The following CFAP99 variants were observed in gnomAD, a reference collection of about 807,000 sequenced individuals.
CFAP99 encodes the protein cilia- and flagella-associated protein 99.
Under a neutral mutation model 82.7 loss-of-function variants are expected in CFAP99, and 84 were observed. That is an observed-to-expected ratio of 1.02 (90% confidence interval 0.85 to 1.22). The LOEUF (loss-of-function observed/expected upper bound fraction) is 1.22. Among genes scored for constraint, CFAP99 ranks in the 50% most tolerant of loss-of-function variants. The pLI is 0.00. For synonymous variants in CFAP99, 456 were observed against 429.5 expected (o/e 1.06, Z -0.76); for missense variants, 1,059 against 983.5 (o/e 1.08, Z -1.03).
At chr4:2,438,502 T>C (rs879270631) in intron 4 of CFAP99, among the ~76,000 whole-genome samples, 12 of 152,128 alleles carry the variant, frequency 7.9e-5, no homozygotes, top group Admixed American at 1.3e-4. Flanking sequence ...GACCTCGTGA[T>C]CCGCCCGCCT....
chr4:2,461,390 C>A (rs539435547), intron 14 of CFAP99, among the ~76,000 whole-genome samples: 1 of 152,186 alleles, frequency 6.6e-6, no homozygotes, highest in Admixed American at 6.5e-5. Context: ...GAAGGAAGGA[C>A]TAATCATTGC....
exon 12 of CFAP99, chr4:2,458,812 G>A: frequency 2.0e-6 from 3 of 1,535,950 alleles, no homozygotes; most frequent in Non-Finnish European, 2.6e-6. Context: ...TAGAGGGGCA[G>A]AAGAACGCCA....
chr4:2,450,892 G>T (rs1219901265), intron 8 of CFAP99, 55 bp from the exon 9 acceptor site: 3 of 1,447,772 alleles, frequency 2.1e-6, no homozygotes, highest in East Asian at 4.9e-5. Flanking sequence ...TATGTGTTTG[G>T]GGGCACCCAG....
At chr4:2,422,723 C>G (rs1733609633) in intron 1 of CFAP99, among the ~76,000 whole-genome samples, 1 of 152,186 alleles carries the variant, frequency 6.6e-6, no homozygotes, top group South Asian at 2.1e-4. Flanking sequence ...CAAGGGGACC[C>G]CATCCCAGGG....
At chr4:2,420,279 C>G (rs1313474973) in intron 1 of CFAP99, among the ~76,000 whole-genome samples, 3 of 152,042 alleles carry the variant, frequency 2.0e-5, no homozygotes, top group Non-Finnish European at 4.4e-5. Flanking sequence ...ACCATTTTCT[C>G]CCAAACTTCT....
chr4:2,458,380 C>T (rs1734485460), intron 11 of CFAP99, among the ~76,000 whole-genome samples: 1 of 152,198 alleles, frequency 6.6e-6, no homozygotes, highest in African/African-American at 2.4e-5. Context: ...GGGCCCCCTA[C>T]CCTGGTTCCC....
chr4:2,425,313 C>CT (rs1250704375), intron 1 of CFAP99, among the ~76,000 whole-genome samples: 1 of 152,206 alleles, frequency 6.6e-6, no homozygotes, highest in East Asian at 1.9e-4. Context: ...CCCCTTCTCT[C>CT]TGAGTCTTGG....
chr4:2,458,628 C>T, intron 11 of CFAP99, 95 bp from the exon 12 acceptor site: 6 of 1,434,776 alleles, frequency 4.2e-6, no homozygotes, highest in Non-Finnish European at 5.5e-6. Context: ...ACTGGGTCCA[C>T]CTTCAGACCT....
exon 3 of CFAP99, chr4:2,436,882 C>T: frequency 5.9e-6 from 9 of 1,535,954 alleles, no homozygotes; most frequent in South Asian, 1.2e-5. Context: ...AGGCTCTGAG[C>T]CCCCAGAAGC....
exon 7 of CFAP99, chr4:2,449,696 C>A (rs761881452): frequency 6.5e-7 from 1 of 1,536,150 alleles, no homozygotes; most frequent in Non-Finnish European, 8.7e-7. Context: ...ACCAGCCACC[C>A]AAGGAGCAGC....
intron 6 of CFAP99, 51 bp from the exon 7 acceptor site, chr4:2,449,619 C>T (rs1734252147): frequency 6.7e-7 from 1 of 1,501,680 alleles, no homozygotes; most frequent in Non-Finnish European, 9.0e-7. Context: ...TCTAGGCCCC[C>T]TCCCACTCGC....
rs146709088 is a variant in CFAP99, at chr4:2,421,683, A to G, written c.-18+2590A>G. On this transcript the variant is annotated intron_variant, in intron 1 of 14. Coordinates refer to ENST00000635017, the Ensembl canonical transcript of CFAP99. ...CCACCTTTAAAGTTGCCTTAAATAT[A>G]AGATAGTCAAGTCCTGATCAATGGA... Among the ~76,000 whole-genome samples the G allele has an allele frequency of 2.7e-3, 407 of 152,248 alleles. 4 individuals are homozygous for G. The highest frequency in any genetic ancestry group is 9.4e-3 in the African/African-American group (391 of 41,538).
intron 2 of CFAP99, among the ~76,000 whole-genome samples, chr4:2,430,898 C>T (rs1316420501): frequency 6.6e-6 from 1 of 151,624 alleles, no homozygotes; most frequent in Non-Finnish European, 1.5e-5. Flanking sequence ...CACAGTGAGA[C>T]CTTTTCTCTA....
At chr4:2,445,333 C>T in intron 6 of CFAP99, 25 bp downstream of exon 6, 1 of 1,315,494 alleles carries the variant, frequency 7.6e-7, no homozygotes, top group Non-Finnish European at 9.7e-7. Context: ...TCTCAGCAGG[C>T]ACTGGCTTGC....
rs1168668390 is a variant in CFAP99, at chr4:2,427,331, G to A, written c.111+745G>A. 2.6e-5 allele frequency: 4 copies of A among 152,820 alleles called. No homozygotes were observed. The East Asian group carries it at 7.7e-4, about 29-fold the overall frequency. 9.5% of individuals were successfully genotyped at this position (152,820 alleles called of 1,614,324 possible). A position where few individuals can be genotyped will look rare whatever the true frequency, so the allele number is the denominator to read the frequency against. ...ATCTCACATCCACCACCTGTCAGTG[G>A]CATGTGCCTGGGGAACAGGAGCTTG... On this transcript the variant is annotated intron_variant, in intron 2 of 14. Coordinates refer to ENST00000635017, the Ensembl canonical transcript of CFAP99.
In CFAP99 at chr4:2,449,931, C is replaced by T; in HGVS notation, c.724-3C>T. ...GACTGGAGCCGCTGTGTCACTGTGG[C>T]AGGAGCTGCTGCTGAGGGCAAACAT... On this transcript the variant is annotated splice_region_variant and splice_polypyrimidine_tract_variant and intron_variant, in intron 7 of 14. Coordinates refer to ENST00000635017, the Ensembl canonical transcript of CFAP99. The T allele has an allele frequency of 6.5e-7, 1 of 1,536,154 alleles. No homozygotes were observed. Among genetic ancestry groups the T allele is most frequent in the Non-Finnish European group, 8.7e-7 (1 of 1,146,924 alleles).
chr4:2,445,404 C>A (rs868646376), intron 6 of CFAP99, 96 bp downstream of exon 6: 1 of 1,115,820 alleles, frequency 9.0e-7, no homozygotes, highest in Middle Eastern at 3.1e-4. Flanking sequence ...GACTGGGCTC[C>A]CCCCAGGGCT....
chr4:2,433,488 G>T (rs1733842339), intron 2 of CFAP99, among the ~76,000 whole-genome samples: 1 of 152,036 alleles, frequency 6.6e-6, no homozygotes, highest in African/African-American at 2.4e-5. Context: ...AGCTGAGAGG[G>T]AAACTGAGGT....
At chr4:2,439,989 T>C (rs1310807454) in intron 4 of CFAP99, among the ~76,000 whole-genome samples, 2 of 150,696 alleles carry the variant, frequency 1.3e-5, no homozygotes, top group Non-Finnish European at 3.0e-5. Flanking sequence ...GATTACGGCA[T>C]GTGCCATCAC....
Sources: allele counts gnomAD v4.1 joint callset (sites outside exome capture counted in the v4.1 genomes callset), GRCh38; gene constraint gnomAD v4.1.1; transcripts MANE v1.5; gene names NCBI Gene and HGNC (gene_info 2026-07-23, HGNC 2026-07-21).